Variants in RIIAD1 observed in about 807,000 individuals in gnomAD.
RIIAD1 encodes regulatory subunit of type II PKA R-subunit domain containing 1.
RIIAD1 carries 15 observed loss-of-function variants against 13.3 expected under a neutral mutation model. That is an observed-to-expected ratio of 1.13 (90% CI 0.76 to 1.74). RIIAD1 has a LOEUF of 1.74. Among genes scored for constraint, RIIAD1 ranks in the 40% most tolerant of loss-of-function variants. RIIAD1 has a pLI of 0.00. For synonymous variants in RIIAD1, 50 were observed against 43.3 expected, an observed-to-expected ratio of 1.16 and a Z score of -0.61; for missense variants, 121 against 112.2, an observed-to-expected ratio of 1.08 and a Z score of -0.35.
intron 2 of RIIAD1, among the ~76,000 whole-genome samples, chr1:151,726,226 C>T (rs996555867): frequency 2.6e-5 from 4 of 152,192 alleles, no homozygotes; most frequent in Non-Finnish European, 5.9e-5. Flanking sequence ...TAACCTCTCT[C>T]CCCACTCTGA....
chr1:151,719,252 A>G (rs1571947078), upstream of RIIAD1, among the ~76,000 whole-genome samples: 1 of 152,112 alleles, frequency 6.6e-6, no homozygotes, highest in Non-Finnish European at 1.5e-5. Flanking sequence ...CTTTCAGGCC[A>G]TGGGATGGGA....
At position 151,729,028 on chromosome 1, in the gene RIIAD1, C is replaced by T. The variant is rs1470016412; in HGVS notation, c.*57+135C>T. 4 of 593,640 alleles carry T rather than the reference C, an allele frequency of 6.7e-6. No individual in the cohort carries two copies. The Admixed American group carries it at 1.2e-4, about 18-fold the overall frequency. The allele number at this position is 593,640 out of a possible 1,614,324, so 36.8% of individuals were successfully genotyped here. A position where few individuals can be genotyped will look rare whatever the true frequency, so the allele number is the denominator to read the frequency against. On this transcript the variant is annotated intron_variant, in intron 4 of 4. Coordinates refer to ENST00000479191, the MANE Select transcript of RIIAD1 (RefSeq NM_001144956.3). ...GTTTAATGTAAATGTTTAGTTTTTC[C>T]TCTACTGTTTTGGGGAATTAGGGAC...
intron 2 of RIIAD1, among the ~76,000 whole-genome samples, chr1:151,726,832 T>C (rs1673837988): frequency 6.6e-6 from 1 of 152,220 alleles, no homozygotes; most frequent in South Asian, 2.1e-4. Flanking sequence ...CCATCTGCGG[T>C]CCATCTTTTA....
intron 2 of RIIAD1, among the ~76,000 whole-genome samples, chr1:151,712,227 G>A (rs1673085797): frequency 6.6e-6 from 1 of 152,120 alleles, no homozygotes; most frequent in Admixed American, 6.5e-5. Context: ...CCCTCCCTCG[G>A]GCCTCCCAAA....
intron 2 of RIIAD1, among the ~76,000 whole-genome samples, chr1:151,722,507 G>A (rs542299176): frequency 6.6e-6 from 1 of 152,296 alleles, no homozygotes; most frequent in South Asian, 2.1e-4. Context: ...TTGGGGAAGA[G>A]AAGACAATTT....
At chr1:151,727,704 A>G in intron 3 of RIIAD1, 83 bp downstream of exon 3, 1 of 897,028 alleles carries the variant, frequency 1.1e-6, no homozygotes, top group South Asian at 1.4e-5. Flanking sequence ...GAATGAGCCC[A>G]GGATTCTCCC....
At chr1:151,716,723 C>T, upstream of RIIAD1, 1 of 458,082 alleles carries the variant, frequency 2.2e-6, no homozygotes, top group South Asian at 1.6e-5. Flanking sequence ...CCGGCTGCTC[C>T]CGCCGCTGGG....
In RIIAD1 at chr1:151,721,590, A is replaced by C; in HGVS notation, c.54A>C (p.Ala18=). The C allele has an allele frequency of 7.6e-7, 1 of 1,311,152 alleles. No homozygotes were observed. Among genetic ancestry groups the C allele is most frequent in the Non-Finnish European group, 9.7e-7 (1 of 1,027,076 alleles). The allele number at this position is 1,311,152 out of a possible 1,614,324, so 81.2% of individuals were successfully genotyped here. The change falls in exon 1 of 5, where the codon GCA becomes GCC. Residue 18 remains alanine, a synonymous_variant. Transcript: ENST00000479191. ...LQRPDPGALS[A]AQLEQLRKFK... ...GGCCCGACCCCGGGGCGCTTAGCGC[A>C]GCGCAGCTGGAGCAGCTGCGAAAAT...
chr1:151,717,784 A>G (rs1312448750), upstream of RIIAD1, among the ~76,000 whole-genome samples: 1 of 152,200 alleles, frequency 6.6e-6, no homozygotes, highest in Non-Finnish European at 1.5e-5. Context: ...GCCAGGTAGC[A>G]CAGAAGAGCA....
intron 1 of RIIAD1, 114 bp downstream of exon 1, chr1:151,721,734 G>C (rs1673739635): frequency 5.0e-6 from 3 of 594,582 alleles, no homozygotes; most frequent in East Asian, 6.8e-5. Context: ...CCTGTTCCCT[G>C]ATAAAGTGGG....
intron 4 of RIIAD1, chr1:151,716,112 G>C (rs920427246): frequency 2.2e-6 from 3 of 1,343,672 alleles, no homozygotes; most frequent in Non-Finnish European, 3.0e-6. Flanking sequence ...GGTGGGGCCC[G>C]GGGGCCCAGC....
At chr1:151,720,035 A>G (rs185240222), upstream of RIIAD1, among the ~76,000 whole-genome samples, 117 of 152,344 alleles carry the variant, frequency 7.7e-4, no homozygotes, top group South Asian at 3.5e-3. Flanking sequence ...AAGAGAAATT[A>G]CTTTTAATAA....
At position 151,729,752 on chromosome 1, in the gene RIIAD1, C is replaced by A. The variant is rs1044932620; in HGVS notation, c.*322C>A. On this transcript the variant is annotated 3_prime_UTR_variant, in exon 5 of 5. Transcript: ENST00000479191. ...CTGGGTCAGTGGGCTGTCGTGCCCA[C>A]CCCCTGGGAAGAACACAGCTGATCA... 1 of 152,198 alleles carries A rather than the reference C, an allele frequency of 6.6e-6. No homozygotes were observed. The highest frequency in any genetic ancestry group is 1.5e-5 in the Non-Finnish European group (1 of 68,042). The allele number at this position is 152,198 out of a possible 1,614,324, so 9.4% of individuals were successfully genotyped here.
At chr1:151,716,545 C>T (rs1051154076), upstream of RIIAD1, 8 of 331,766 alleles carry the variant, frequency 2.4e-5, no homozygotes, top group Non-Finnish European at 4.8e-5. Flanking sequence ...GGGAGGACAC[C>T]TCCCCTGTGG....
At chr1:151,715,814 G>T in intron 4 of RIIAD1, 1 of 1,594,870 alleles carries the variant, frequency 6.3e-7, no homozygotes, top group Non-Finnish European at 8.6e-7. Flanking sequence ...CTCCAGCCTG[G>T]CTTAACTTCC....
intron 1 of RIIAD1, 46 bp downstream of exon 1, chr1:151,721,666 GC>G: frequency 1.7e-6 from 2 of 1,179,236 alleles, no homozygotes; most frequent in Non-Finnish European, 1.1e-6. Flanking sequence ...AAGTGTAGCT[GC>G]CCCAGGACTG....
chr1:151,727,537 C>G (rs1380772341), intron 2 of RIIAD1, 38 bp from the exon 3 acceptor site: 2 of 1,416,628 alleles, frequency 1.4e-6, no homozygotes, highest in African/African-American at 1.4e-5. Flanking sequence ...GCGTTAAAGT[C>G]TACTTTACCT....
At chr1:151,723,972 TTAG>T (rs1463466269) in intron 2 of RIIAD1, among the ~76,000 whole-genome samples, 2 of 152,214 alleles carry the variant, frequency 1.3e-5, no homozygotes, top group Admixed American at 6.5e-5. Context: ...GCTCTCCAAG[TTAG>T]TAGTAGTTCC....
At chr1:151,722,550 C>T (rs1410647708) in intron 2 of RIIAD1, among the ~76,000 whole-genome samples, 1 of 152,060 alleles carries the variant, frequency 6.6e-6, no homozygotes, top group Non-Finnish European at 1.5e-5. Flanking sequence ...TCTTTCCTTC[C>T]CCCACCCTCC....
Sources: allele counts gnomAD v4.1 joint callset (sites outside exome capture counted in the v4.1 genomes callset), GRCh38; gene constraint gnomAD v4.1.1; transcripts MANE v1.5; gene names NCBI Gene and HGNC (gene_info 2026-07-23, HGNC 2026-07-21).